MED12L: variants seen among roughly 807,000 people sequenced by gnomAD.
MED12L encodes the protein mediator of RNA polymerase II transcription subunit 12-like protein.
A neutral mutation model predicts 281.3 loss-of-function variants in MED12L; 60 were observed. The ratio of observed to expected loss-of-function variants is 0.21; its 90% CI spans 0.17 to 0.26. The LOEUF (loss-of-function observed/expected upper bound fraction) is 0.26. MED12L is among the 10% of genes least tolerant of loss of function. The probability of loss-of-function intolerance (pLI) is 1.00; values close to 1 mark genes in which losing one functional copy is unlikely to be tolerated. For missense variants in MED12L, 2,146 were observed against 2,680.9 expected (o/e 0.80, Z 4.41); for synonymous variants, 974 against 987.2 (o/e 0.99, Z 0.25).
chr3:151,190,942 G>A lies in MED12L; in HGVS notation c.1968+11G>A. ...GATGTGAAAATGGAGGTATGGCCCT[G>A]GATATGATGCCCCACTCCCCCAGAA... On this transcript the variant is annotated intron_variant, in intron 14 of 44. Coordinates refer to ENST00000687756, the MANE Select transcript of MED12L (RefSeq NM_001393769.1). 1.9e-6 allele frequency: 3 copies of A among 1,611,190 alleles called. No individual in the cohort carries two copies. Among genetic ancestry groups the A allele is most frequent in the Non-Finnish European group, 2.5e-6 (3 of 1,177,832 alleles).
intron 16 of MED12L, among the ~76,000 whole-genome samples, chr3:151,300,769 G>T (rs1745802824): frequency 6.6e-6 from 1 of 152,228 alleles, no homozygotes; most frequent in South Asian, 2.1e-4. Context: ...TGAGGCTGGT[G>T]TGAGCAGTTA....
chr3:151,398,554 T>C (rs1577560035), intron 39 of MED12L, among the ~76,000 whole-genome samples: 1 of 152,250 alleles, frequency 6.6e-6, no homozygotes, highest in South Asian at 2.1e-4. Context: ...AAGTGCTGAA[T>C]AGCATGGATA....
rs1720132049 is a variant in MED12L, at chr3:151,435,972, A to AGTTATAAAGAAGTTTCATT, written c.*3171_*3189dup. The AGTTATAAAGAAGTTTCATT allele has an allele frequency of 6.6e-6, 1 of 152,152 alleles. No individual in the cohort carries two copies. The highest frequency in any genetic ancestry group is 1.5e-5 in the Non-Finnish European group (1 of 68,034). The allele number at this position is 152,152 out of a possible 1,614,324, so 9.4% of individuals were successfully genotyped here. On this transcript the variant is annotated 3_prime_UTR_variant, in exon 45 of 45. Coordinates refer to ENST00000687756, the MANE Select transcript of MED12L (RefSeq NM_001393769.1). ...CAGGGGTGCCTGAGCTAGATTTTAA[A>AGTTATAAAGAAGTTTCATT]GTTATAAAGAAGTTTCATTGTATTT...
At chr3:151,247,131 G>C (rs1735726855) in intron 16 of MED12L, among the ~76,000 whole-genome samples, 1 of 152,154 alleles carries the variant, frequency 6.6e-6, no homozygotes, top group African/African-American at 2.4e-5. Flanking sequence ...TGGAGAGGAT[G>C]TGGAGAAATA....
At chr3:151,143,932 C>G (rs977423) in intron 5 of MED12L, among the ~76,000 whole-genome samples, 3 of 152,046 alleles carry the variant, frequency 2.0e-5, no homozygotes, top group African/African-American at 7.2e-5. Flanking sequence ...CCCTATGATA[C>G]GAATATTTCA....
chr3:151,229,287 CTT>C (rs1350325779), intron 16 of MED12L, among the ~76,000 whole-genome samples: 8 of 148,194 alleles, frequency 5.4e-5, no homozygotes, highest in African/African-American at 1.7e-4. Context: ...GTGGTAATAA[CTT>C]ATAAATTCAG....
intron 16 of MED12L, among the ~76,000 whole-genome samples, chr3:151,300,851 T>G (rs1745820833): frequency 6.6e-6 from 1 of 152,238 alleles, no homozygotes; most frequent in African/African-American, 2.4e-5. Context: ...TGTAAGAGTT[T>G]GCAGTAAGTG....
Position 151,384,995 on chromosome 3 carries a change from A to G in MED12L, c.4927-35A>G, listed in dbSNP as rs755834359. ...TTGCCTTCATTGTAATTTCTGTCCC[A>G]CTTCTCACTCTCTCTCTCTCTCTTT... On this transcript the variant is annotated intron_variant, in intron 35 of 44. Coordinates refer to ENST00000687756, the MANE Select transcript of MED12L (RefSeq NM_001393769.1). The G allele has an allele frequency of 3.5e-6, 4 of 1,154,564 alleles. No individual in the cohort carries two copies. The Middle Eastern group carries it at 5.8e-4, about 167-fold the overall frequency. The allele number at this position is 1,154,564 out of a possible 1,614,324, so 71.5% of individuals were successfully genotyped here.
rs138946157 is a variant in MED12L, at chr3:151,395,343, A to G, written c.5820+476A>G. The stretch of plus-strand genomic sequence containing the variant: ...TGCCTTTAATTTTTGTTTCTAGTGT[A>G]TATTTAATAAGGTCTAGAGCAGATA... On this transcript the variant is annotated intron_variant, in intron 39 of 44. Transcript: ENST00000687756. 1.7e-3 allele frequency among the ~76,000 whole-genome samples: 266 copies of G among 152,288 alleles called. 2 individuals carry two copies. The highest frequency in any genetic ancestry group is 6.2e-3 in the African/African-American group (256 of 41,556).
chr3:151,414,933 C>T (rs996349224), intron 42 of MED12L, among the ~76,000 whole-genome samples: 6 of 152,074 alleles, frequency 3.9e-5, no homozygotes, highest in South Asian at 2.1e-4. Context: ...GATAATTTTA[C>T]GATTAATGTT....
chr3:151,420,496 C>A (rs1718114421), intron 43 of MED12L, among the ~76,000 whole-genome samples: 1 of 152,100 alleles, frequency 6.6e-6, no homozygotes, highest in Non-Finnish European at 1.5e-5. Flanking sequence ...GTGAGTGGTG[C>A]CACTTCCACT....
At chr3:151,184,934 G>A (rs1205568238) in intron 11 of MED12L, among the ~76,000 whole-genome samples, 1 of 152,176 alleles carries the variant, frequency 6.6e-6, no homozygotes, top group Non-Finnish European at 1.5e-5. Context: ...TGAGTGGGGG[G>A]CCTGAGGGTG....
chr3:151,287,060 G>A (rs1178022573), intron 16 of MED12L, among the ~76,000 whole-genome samples: 1 of 152,128 alleles, frequency 6.6e-6, no homozygotes, highest in Admixed American at 6.5e-5. Flanking sequence ...GATTAAATGG[G>A]TTAATACAAG....
chr3:151,428,022 A>G (rs1719062774), intron 43 of MED12L, among the ~76,000 whole-genome samples: 2 of 152,174 alleles, frequency 1.3e-5, no homozygotes, highest in Admixed American at 1.3e-4. Flanking sequence ...GGCTCTTTTC[A>G]TTTATCCTAC....
chr3:151,363,544 CA>C (rs1401228384), intron 21 of MED12L, among the ~76,000 whole-genome samples: 2 of 152,178 alleles, frequency 1.3e-5, no homozygotes, highest in Non-Finnish European at 2.9e-5. Flanking sequence ...TTTCTCACAT[CA>C]ACCTCAAGAA....
At chr3:151,169,520 C>T (rs762369053) in intron 11 of MED12L, among the ~76,000 whole-genome samples, 18 of 152,168 alleles carry the variant, frequency 1.2e-4, no homozygotes, top group Admixed American at 4.6e-4. Flanking sequence ...GAGTAAGTTA[C>T]TCAAGGCTTT....
intron 8 of MED12L, among the ~76,000 whole-genome samples, chr3:151,163,431 A>G (rs1291276150): frequency 1.3e-5 from 2 of 152,262 alleles, no homozygotes; most frequent in Non-Finnish European, 2.9e-5. Context: ...CCCCTTGTCC[A>G]GGGTTACTGC....
chr3:151,385,945 C>T (rs774010281), intron 36 of MED12L, among the ~76,000 whole-genome samples: 8 of 152,002 alleles, frequency 5.3e-5, no homozygotes, highest in Non-Finnish European at 1.2e-4. Context: ...GACAGAGTTC[C>T]TACCCTCAAG....
chr3:151,275,726 A>C (rs1741741685), intron 16 of MED12L, among the ~76,000 whole-genome samples: 1 of 152,228 alleles, frequency 6.6e-6, no homozygotes, highest in African/African-American at 2.4e-5. Flanking sequence ...AAATTTAGTA[A>C]AGAGGGTTTT....
Sources: gnomAD v4.1 joint callset for allele counts (sites outside exome capture counted in the v4.1 genomes callset) on GRCh38, gnomAD v4.1.1 for gene constraint, MANE v1.5 for transcripts, NCBI Gene and HGNC (gene_info 2026-07-23, HGNC 2026-07-21) for gene names.